Variants in HERC1 observed in about 807,000 individuals in gnomAD.
The protein encoded by HERC1 is probable E3 ubiquitin-protein ligase HERC1.
A neutral mutation model predicts 554.3 loss-of-function variants in HERC1; 160 were observed. That is an observed-to-expected ratio of 0.29 (90% CI 0.25 to 0.33). HERC1 has a LOEUF of 0.33. Among genes scored for constraint, HERC1 ranks in the 10% least tolerant of loss-of-function variants. HERC1 has a pLI of 1.00. For missense variants in HERC1, 4,919 were observed against 5,918.5 expected (o/e 0.83, Z 5.54); for synonymous variants, 2,175 against 2,131.7 (o/e 1.02, Z -0.56).
rs1220711548 is a variant in HERC1, at chr15:63,671,649, C to A, written c.8045+847G>T. Among the ~76,000 whole-genome samples, 4 of 152,250 alleles carry A rather than the reference C, an allele frequency of 2.6e-5. No homozygotes were observed. The East Asian group carries it at 7.7e-4, about 29-fold the overall frequency. ...GCCCCACCAGACCTACTGAATCAGA[C>A]TTGCTGAGGGATACAGCCCTAGAGC... On this transcript the variant is annotated intron_variant, in intron 39 of 77. Transcript: ENST00000443617.
intron 1 of HERC1, among the ~76,000 whole-genome samples, chr15:63,809,220 C>T (rs1180220518): frequency 6.6e-6 from 1 of 152,064 alleles, no homozygotes; most frequent in Non-Finnish European, 1.5e-5. Context: ...TTAACCTCTT[C>T]ATCAAAAAAT....
chr15:63,751,218 C>CTACAG (rs562060316), intron 8 of HERC1, among the ~76,000 whole-genome samples: 154 of 152,302 alleles, frequency 1.0e-3, no homozygotes, highest in Middle Eastern at 3.4e-3. Flanking sequence ...AGTATTTTTA[C>CTACAG]TGTAACTTTT....
At chr15:63,744,164 GTCTCTC>G (rs71464534) in intron 12 of HERC1, among the ~76,000 whole-genome samples, 300 of 46,046 alleles carry the variant, frequency 6.5e-3, no homozygotes, top group African/African-American at 0.014. Flanking sequence ...GTGTGTGTGT[GTCTCTC>G]TCTCTCTCTC....
At chr15:63,771,958 A>C (rs769931837) in intron 2 of HERC1, among the ~76,000 whole-genome samples, 49 of 152,248 alleles carry the variant, frequency 3.2e-4, no homozygotes, top group Middle Eastern at 6.8e-3. Flanking sequence ...CTCTACTAAA[A>C]ATACAGAAAC....
intron 24 of HERC1, among the ~76,000 whole-genome samples, chr15:63,707,042 C>G (rs182458238): frequency 6.6e-6 from 1 of 152,292 alleles, no homozygotes; most frequent in East Asian, 1.9e-4. Flanking sequence ...GAAACACTAA[C>G]TAAAAAACTC....
intron 42 of HERC1, among the ~76,000 whole-genome samples, chr15:63,665,337 TC>T (rs924976792): frequency 3.3e-4 from 50 of 152,098 alleles, no homozygotes; most frequent in Admixed American, 1.1e-3. Context: ...TTCGAGACCG[TC>T]CTGGCCAACA....
chr15:63,739,195 C>CTTTTTTTTTTTTTTTTTTTTTTTTTTT (rs1205943240), intron 12 of HERC1, among the ~76,000 whole-genome samples: 1 of 102,276 alleles, frequency 9.8e-6, no homozygotes. Flanking sequence ...CACTAATATA[C>CTTTTTTTTTTTTTTTTTTTTTTTTTTT]TTTTTTTTTT....
chr15:63,633,048 G>T (rs2068630430), intron 67 of HERC1, among the ~76,000 whole-genome samples: 1 of 152,232 alleles, frequency 6.6e-6, no homozygotes, highest in Non-Finnish European at 1.5e-5. Context: ...CCAGGGCCCT[G>T]TGTGAAGCAG....
At chr15:63,798,012 G>A (rs1405333001) in intron 1 of HERC1, among the ~76,000 whole-genome samples, 1 of 152,152 alleles carries the variant, frequency 6.6e-6, no homozygotes, top group African/African-American at 2.4e-5. Flanking sequence ...ATGTTGAGTG[G>A]ATGTGAATGA....
At chr15:63,806,137 T>G (rs1039939527) in intron 1 of HERC1, among the ~76,000 whole-genome samples, 1 of 151,906 alleles carries the variant, frequency 6.6e-6, no homozygotes, top group Non-Finnish European at 1.5e-5. Context: ...AAATCACCTC[T>G]GATGAGCATT....
Position 63,765,696 on chromosome 15 carries a change from C to A in HERC1, c.931-1505G>T, listed in dbSNP as rs186837013. Among the ~76,000 whole-genome samples, 5 of 152,146 alleles carry A rather than the reference C, an allele frequency of 3.3e-5. No individual in the cohort carries two copies. The East Asian group carries it at 9.7e-4, about 29-fold the overall frequency. ...CTGGAAGCCCCCCACCTCGAGTTAT[C>A]CCATCCTTTCAGATCAAACCAATAA... On this transcript the variant is annotated intron_variant, in intron 2 of 77. Coordinates refer to ENST00000443617, the MANE Select transcript of HERC1 (RefSeq NM_003922.4).
chr15:63,827,067 A>G (rs931397401), intron 1 of HERC1, among the ~76,000 whole-genome samples: 1 of 152,022 alleles, frequency 6.6e-6, no homozygotes, highest in Non-Finnish European at 1.5e-5. Flanking sequence ...AACAACCTAA[A>G]TGCCCATACA....
chr15:63,627,565 G>C (rs551359907), intron 70 of HERC1, among the ~76,000 whole-genome samples: 1 of 151,874 alleles, frequency 6.6e-6, no homozygotes, highest in Admixed American at 6.6e-5. Context: ...TCCCAGCTAC[G>C]TGGGAGGCTG....
chr15:63,775,272 A>G lies in HERC1; in HGVS notation c.352T>C (p.Ser118Pro), dbSNP rs1189407772. Residue 118 changes from serine (S) to proline (P), a missense_variant, in exon 2 of 78, where the codon TCT becomes CCT. Ser to Pro is a moderately conservative substitution (Grantham distance 74). Coordinates refer to ENST00000443617, the MANE Select transcript of HERC1 (RefSeq NM_003922.4). This position sits in a 1 kb window ranked among gnomAD's most constrained non-coding sequence, Gnocchi z 4.0. ...TTGCCTTTGTCATGGTATTTATTAG[A>G]AAGTGCATAAAAGACACGCTGGAGT... ...LVLQRVFYAL[S>P]NKYHDKGKVK... The G allele has an allele frequency of 6.2e-7, 1 of 1,614,032 alleles. No homozygotes were observed. The highest frequency in any genetic ancestry group is 8.5e-7 in the Non-Finnish European group (1 of 1,179,896).
Position 63,674,743 on chromosome 15 carries a change from G to A in HERC1, c.7445C>T (p.Thr2482Ile). ...TTCATGATTTTTTCTTTTCCCTTCT[G>A]TTATTTGATGTTGGGATTCCACACT... ...LPSVESQHQITEGKRKNHEHM... is the reference protein window; with the variant it reads ...LPSVESQHQIIEGKRKNHEHM... The change falls in exon 38 of 78, where the codon ACA becomes ATA. Residue 2482 changes from threonine to isoleucine, a missense_variant. Transcript: ENST00000443617. 6.2e-7 allele frequency: 1 copy of A among 1,613,768 alleles called. No individual in the cohort carries two copies. Among genetic ancestry groups the A allele is most frequent in the Non-Finnish European group, 8.5e-7 (1 of 1,179,838 alleles).
chr15:63,638,201 T>C (rs1450182132), intron 63 of HERC1, among the ~76,000 whole-genome samples: 2 of 152,176 alleles, frequency 1.3e-5, no homozygotes, highest in African/African-American at 4.8e-5. Context: ...TTCATTAAAC[T>C]TGAAAGAAAA....
At chr15:63,631,486 T>C (rs954315504) in intron 68 of HERC1, among the ~76,000 whole-genome samples, 1 of 152,206 alleles carries the variant, frequency 6.6e-6, no homozygotes, top group African/African-American at 2.4e-5. Flanking sequence ...CCCTGGCTCA[T>C]CAGTGACCTC....
chr15:63,732,377 CAGT>C (rs1416833567), intron 14 of HERC1, among the ~76,000 whole-genome samples: 7 of 152,030 alleles, frequency 4.6e-5, no homozygotes, highest in Admixed American at 2.6e-4. Flanking sequence ...GTTATTCCAG[CAGT>C]AAGATGCTGA....
chr15:63,745,100 C>A (rs1162346392), intron 12 of HERC1, among the ~76,000 whole-genome samples: 1 of 152,184 alleles, frequency 6.6e-6, no homozygotes, highest in African/African-American at 2.4e-5. Flanking sequence ...GGTCCCCTAT[C>A]CTGCTGTGAC....
Sources: gnomAD v4.1 joint callset for allele counts (sites outside exome capture counted in the v4.1 genomes callset) on GRCh38, gnomAD v4.1.1 for gene constraint, Gnocchi (gnomAD v3.1) non-coding constraint, MANE v1.5 for transcripts, NCBI Gene and HGNC (gene_info 2026-07-23, HGNC 2026-07-21) for gene names.